SEC22A: variants seen among roughly 807,000 people sequenced by gnomAD.
The protein encoded by SEC22A is vesicle-trafficking protein SEC22a.
In SEC22A, 22 loss-of-function variants were observed where a neutral mutation model predicts 35.3. The ratio of observed to expected loss-of-function variants is 0.62; its 90% CI spans 0.45 to 0.89. The LOEUF (loss-of-function observed/expected upper bound fraction) is 0.89, where lower values mean the gene tolerates loss of function less well. SEC22A is among the 40% of genes least tolerant of loss of function. The pLI is 0.00. For missense variants in SEC22A, 354 were observed against 362.5 expected (o/e 0.98, Z 0.19); for synonymous variants, 119 against 129.5 (o/e 0.92, Z 0.55).
intron 4 of SEC22A, among the ~76,000 whole-genome samples, chr3:123,232,858 C>T (rs767340440): frequency 1.2e-4 from 18 of 151,870 alleles, no homozygotes; most frequent in African/African-American, 3.4e-4. Flanking sequence ...TTAGGCCAGG[C>T]GCTGTGGTTC....
intron 4 of SEC22A, among the ~76,000 whole-genome samples, chr3:123,232,066 C>A (rs139912348): frequency 1.3e-5 from 2 of 152,070 alleles, no homozygotes; most frequent in Admixed American, 6.5e-5. Flanking sequence ...TAGCAAAACC[C>A]CATTTCTACT....
chr3:123,231,157 A>G (rs957569268), intron 4 of SEC22A, among the ~76,000 whole-genome samples: 5 of 152,324 alleles, frequency 3.3e-5, no homozygotes, highest in Non-Finnish European at 7.4e-5. Flanking sequence ...CCCAAAGTAC[A>G]TTAAGTAAAA....
At chr3:123,245,087 T>G (rs1254772558) in intron 4 of SEC22A, among the ~76,000 whole-genome samples, 2 of 152,214 alleles carry the variant, frequency 1.3e-5, no homozygotes, top group Non-Finnish European at 1.5e-5. Flanking sequence ...CATTCTGTTT[T>G]GGAGTTCAGA....
chr3:123,247,659 C>T (rs1937577967), intron 5 of SEC22A, among the ~76,000 whole-genome samples: 1 of 152,166 alleles, frequency 6.6e-6, no homozygotes, highest in South Asian at 2.1e-4. Flanking sequence ...GTCTCTGGCT[C>T]ATTGCAGTTG....
chr3:123,266,821 T>C (rs1298304461), intron 6 of SEC22A, among the ~76,000 whole-genome samples: 1 of 152,170 alleles, frequency 6.6e-6, no homozygotes. Context: ...TTCTGTATTC[T>C]TGCTGATTTT....
At chr3:123,224,702 G>A (rs571043743) in intron 3 of SEC22A, among the ~76,000 whole-genome samples, 23 of 152,080 alleles carry the variant, frequency 1.5e-4, no homozygotes, top group Admixed American at 1.5e-3. Flanking sequence ...GAGGCAGAAG[G>A]ATCACTTGAG....
At chr3:123,267,884 T>C (rs1938061214) in intron 6 of SEC22A, among the ~76,000 whole-genome samples, 2 of 152,214 alleles carry the variant, frequency 1.3e-5, no homozygotes, top group Admixed American at 1.3e-4. Context: ...TTGAGAAATG[T>C]TCTAGTTTTT....
chr3:123,226,509 A>G (rs548687140), intron 4 of SEC22A, among the ~76,000 whole-genome samples: 2 of 152,250 alleles, frequency 1.3e-5, no homozygotes, highest in Middle Eastern at 3.4e-3. Flanking sequence ...AGAAATGTCT[A>G]TTCAGATCTT....
At chr3:123,247,002 T>C (rs1937572516) in intron 5 of SEC22A, among the ~76,000 whole-genome samples, 1 of 152,210 alleles carries the variant, frequency 6.6e-6, no homozygotes, top group Non-Finnish European at 1.5e-5. Context: ...GACTTCTTAG[T>C]TCCTCTTCCA....
chr3:123,203,060 T>C (rs897376227), intron 1 of SEC22A, among the ~76,000 whole-genome samples: 4,271 of 88,420 alleles, frequency 0.048, 380 homozygotes, highest in South Asian at 0.068. Context: ...TGCCTTTTTT[T>C]TTTTTTTTTT....
intron 5 of SEC22A, among the ~76,000 whole-genome samples, chr3:123,251,042 T>C (rs1380456840): frequency 1.3e-5 from 2 of 150,370 alleles, no homozygotes; most frequent in African/African-American, 2.4e-5. Flanking sequence ...AGACAACTTT[T>C]GTTAACTTAA....
intron 5 of SEC22A, among the ~76,000 whole-genome samples, chr3:123,254,021 A>G (rs1937666343): frequency 6.6e-6 from 1 of 152,084 alleles, no homozygotes; most frequent in Non-Finnish European, 1.5e-5. Flanking sequence ...ATAAAGAATA[A>G]AATAAAAATT....
At chr3:123,206,662 A>G (rs1936859519) in intron 1 of SEC22A, among the ~76,000 whole-genome samples, 1 of 152,158 alleles carries the variant, frequency 6.6e-6, no homozygotes, top group Admixed American at 6.5e-5. Flanking sequence ...TTTTCATGCT[A>G]CTGCTTTTAG....
chr3:123,241,177 A>G (rs1299023021), intron 4 of SEC22A, among the ~76,000 whole-genome samples: 10 of 152,224 alleles, frequency 6.6e-5, no homozygotes, highest in Non-Finnish European at 2.9e-5. Context: ...ATACAATCCA[A>G]TAAGTAAAAC....
intron 6 of SEC22A, among the ~76,000 whole-genome samples, chr3:123,269,177 A>G (rs936838339): frequency 2.7e-4 from 30 of 112,126 alleles, no homozygotes; most frequent in African/African-American, 3.8e-4. Flanking sequence ...TGAATTAAAT[A>G]TATGTGTGTG....
Position 123,221,229 on chromosome 3 carries a change from G to A in SEC22A, c.183-2330G>A, listed in dbSNP as rs368279318. Among the ~76,000 whole-genome samples, 9 of 151,898 alleles carry A rather than the reference G, an allele frequency of 5.9e-5. No homozygotes were observed. The East Asian group carries it at 1.4e-3, about 23-fold the overall frequency. Reference sequence around the variant, plus strand: ...CTTAGACCTGTAATCCCACCACTTTGGGAGGCCAAGGTGGGCAGATCACTT... The same window carrying A: ...CTTAGACCTGTAATCCCACCACTTTAGGAGGCCAAGGTGGGCAGATCACTT... On this transcript the variant is annotated intron_variant, in intron 2 of 6. Transcript: ENST00000492595.
At chr3:123,254,883 C>G (rs1937685463) in intron 5 of SEC22A, among the ~76,000 whole-genome samples, 1 of 151,430 alleles carries the variant, frequency 6.6e-6, no homozygotes, top group Non-Finnish European at 1.5e-5. Flanking sequence ...TCCCTCCCCC[C>G]TCACCCCACC....
intron 4 of SEC22A, among the ~76,000 whole-genome samples, chr3:123,233,816 C>G (rs1937366532): frequency 6.6e-6 from 1 of 152,164 alleles, no homozygotes; most frequent in Non-Finnish European, 1.5e-5. Context: ...TACACTACTT[C>G]TAGTCAACAT....
chr3:123,254,670 T>C (rs1937680495), intron 5 of SEC22A, among the ~76,000 whole-genome samples: 1 of 152,242 alleles, frequency 6.6e-6, no homozygotes, highest in Admixed American at 6.5e-5. Flanking sequence ...TATGCTCTCT[T>C]CTAATTTTTT....
Sources: allele counts gnomAD v4.1 joint callset (sites outside exome capture counted in the v4.1 genomes callset), GRCh38; gene constraint gnomAD v4.1.1; transcripts MANE v1.5; gene names NCBI Gene and HGNC (gene_info 2026-07-23, HGNC 2026-07-21).